Variants in BABAM2 observed in about 807,000 individuals in gnomAD.
The protein encoded by BABAM2 is BRISC and BRCA1 A complex member 2, also known as BRISC and BRCA1-A complex member 2.
Under a neutral mutation model 54.7 loss-of-function variants are expected in BABAM2, and 31 were observed. That is an observed-to-expected ratio of 0.57 (90% CI 0.43 to 0.77). The LOEUF (loss-of-function observed/expected upper bound fraction) is 0.77, where lower values mean the gene tolerates loss of function less well. Among genes scored for constraint, BABAM2 ranks in the 30% least tolerant of loss-of-function variants. BABAM2 has a pLI of 0.00. For synonymous variants in BABAM2, 167 were observed against 162.9 expected, an observed-to-expected ratio of 1.03 and a Z score of -0.19; for missense variants, 364 against 455.8, an observed-to-expected ratio of 0.80 and a Z score of 1.83.
chr2:27,972,202 G>A (rs1671269975), intron 3 of BABAM2, among the ~76,000 whole-genome samples: 1 of 152,014 alleles, frequency 6.6e-6, no homozygotes. Context: ...GAAAGAACTA[G>A]GCATATTTAA....
intron 6 of BABAM2, among the ~76,000 whole-genome samples, chr2:28,081,647 C>T (rs1020006585): frequency 6.6e-6 from 1 of 152,164 alleles, no homozygotes; most frequent in Non-Finnish European, 1.5e-5. Context: ...TTTCTTAATG[C>T]TACGCTACTC....
At chr2:28,164,271 T>C (rs1234439451) in intron 7 of BABAM2, among the ~76,000 whole-genome samples, 2 of 152,202 alleles carry the variant, frequency 1.3e-5, no homozygotes, top group Non-Finnish European at 2.9e-5. Flanking sequence ...TTCAGTGTGT[T>C]TTTTGTTGTG....
intron 7 of BABAM2, among the ~76,000 whole-genome samples, chr2:28,234,143 C>A (rs1188686597): frequency 6.6e-6 from 1 of 152,162 alleles, no homozygotes; most frequent in African/African-American, 2.4e-5. Flanking sequence ...CTTGGTTTTA[C>A]CTATGTCTAG....
chr2:28,022,059 G>C (rs62140395), intron 4 of BABAM2, among the ~76,000 whole-genome samples: 11,911 of 152,248 alleles, frequency 0.078, 658 homozygotes, highest in Non-Finnish European at 0.12. Flanking sequence ...TGATAAGGAG[G>C]AGCTCTGAGG....
chr2:27,983,942 CTTTTTTT>C, intron 3 of BABAM2, among the ~76,000 whole-genome samples: 2 of 31,160 alleles, frequency 6.4e-5, no homozygotes, highest in East Asian at 4.5e-4. Context: ...CATTTTGTAC[CTTTTTTT>C]TTTTTTTTTT....
intron 3 of BABAM2, chr2:27,930,298 C>T (rs921897259): frequency 2.2e-5 from 4 of 179,188 alleles, no homozygotes; most frequent in African/African-American, 9.6e-5. Flanking sequence ...TGTGGAACCG[C>T]TGCGCCACGA....
intron 7 of BABAM2, among the ~76,000 whole-genome samples, chr2:28,161,083 C>G (rs1673046554): frequency 6.6e-6 from 1 of 152,148 alleles, no homozygotes; most frequent in African/African-American, 2.4e-5. Flanking sequence ...ATTCCCTTTA[C>G]AGGAAAGATG....
intron 6 of BABAM2, among the ~76,000 whole-genome samples, chr2:28,075,683 C>T (rs1664599353): frequency 6.6e-6 from 1 of 151,976 alleles, no homozygotes; most frequent in Non-Finnish European, 1.5e-5. Flanking sequence ...GAAAATCATT[C>T]TGATTAATTG....
intron 11 of BABAM2, among the ~76,000 whole-genome samples, chr2:28,318,679 G>A (rs1014154846): frequency 3.3e-5 from 5 of 152,188 alleles, no homozygotes; most frequent in Non-Finnish European, 5.9e-5. Flanking sequence ...GTGTTTTTAC[G>A]GAGTTGATTT....
chr2:28,179,228 T>C (rs1602099), intron 7 of BABAM2, among the ~76,000 whole-genome samples: 150,678 of 152,264 alleles, frequency 0.99, 74,580 homozygotes, highest in Middle Eastern at 1. Flanking sequence ...ACATAAAAAT[T>C]ACCAACATAA....
intron 2 of BABAM2, among the ~76,000 whole-genome samples, chr2:27,903,249 T>C (rs1292376249): frequency 1.3e-5 from 2 of 152,168 alleles, no homozygotes; most frequent in Admixed American, 1.3e-4. Flanking sequence ...GTTCCATACT[T>C]TCTTAACTAT....
chr2:28,334,157 A>C (rs1691206295), intron 11 of BABAM2, among the ~76,000 whole-genome samples: 1 of 152,260 alleles, frequency 6.6e-6, no homozygotes, highest in Non-Finnish European at 1.5e-5. Context: ...GGGAAAGCCC[A>C]GGACAGAACA....
chr2:28,035,710 C>G (rs1573445009), intron 5 of BABAM2, among the ~76,000 whole-genome samples: 1 of 152,044 alleles, frequency 6.6e-6, no homozygotes, highest in African/African-American at 2.4e-5. Context: ...ACTTGCATGT[C>G]AATGGAAATA....
At chr2:28,014,902 G>T (rs906026898) in intron 4 of BABAM2, among the ~76,000 whole-genome samples, 1 of 152,104 alleles carries the variant, frequency 6.6e-6, no homozygotes, top group Non-Finnish European at 1.5e-5. Flanking sequence ...TAGCTATCAA[G>T]TTCAGAAAGT....
intron 8 of BABAM2, 129 bp from the exon 9 acceptor site, chr2:28,241,194 A>G: frequency 1.2e-6 from 1 of 820,266 alleles, no homozygotes; most frequent in Non-Finnish European, 2.0e-6. Flanking sequence ...ACAGTTGTTG[A>G]ATGTAGGTAG....
intron 7 of BABAM2, among the ~76,000 whole-genome samples, chr2:28,211,182 G>T (rs1031143124): frequency 6.6e-6 from 1 of 152,184 alleles, no homozygotes; most frequent in African/African-American, 2.4e-5. Context: ...AGAGCTGTCA[G>T]TTAGGTTTTG....
intron 7 of BABAM2, among the ~76,000 whole-genome samples, chr2:28,229,845 C>T (rs879683682): frequency 6.6e-6 from 1 of 152,166 alleles, no homozygotes; most frequent in Admixed American, 6.5e-5. Context: ...CCTTGGCCTC[C>T]CAAAGTGCTG....
chr2:28,105,908 A>G (rs765588310), intron 6 of BABAM2, among the ~76,000 whole-genome samples: 6 of 151,556 alleles, frequency 4.0e-5, no homozygotes, highest in Admixed American at 6.6e-5. Context: ...AGCATGTGCA[A>G]TGGGTTTCTA....
Position 28,025,275 on chromosome 2 carries a change from T to C in BABAM2, c.350T>C (p.Val117Ala). ...PSNPECLLLVVKELVQQYHQF... is the reference protein window; with the variant it reads ...PSNPECLLLVAKELVQQYHQF... ...AATCCTGAATGTCTCTTACTTGTGG[T>C]GAAGGAACTTGTGCAACAATATCAC... The change falls in exon 5 of 12, where the codon GTG (valine) becomes GCG (alanine). Residue 117 changes from valine to alanine, a missense_variant. By Grantham distance (64) the Val-to-Ala change is moderately conservative. Coordinates refer to ENST00000379624, the MANE Select transcript of BABAM2 (RefSeq NM_199191.3). 6.2e-7 allele frequency: 1 copy of C among 1,609,214 alleles called. No individual in the cohort carries two copies. Among genetic ancestry groups the C allele is most frequent in the Non-Finnish European group, 8.5e-7 (1 of 1,178,910 alleles).
Sources: allele counts gnomAD v4.1 joint callset (sites outside exome capture counted in the v4.1 genomes callset), GRCh38; gene constraint gnomAD v4.1.1; transcripts MANE v1.5; gene names NCBI Gene and HGNC (gene_info 2026-07-23, HGNC 2026-07-21).